The following PIEZO2 variants were observed in gnomAD, a reference collection of about 807,000 sequenced individuals.
The protein encoded by PIEZO2 is piezo-type mechanosensitive ion channel component 2.
Under a neutral mutation model 337.3 loss-of-function variants are expected in PIEZO2, and 172 were observed. The observed-to-expected ratio is 0.51, with a 90% confidence interval of 0.45 to 0.58. The LOEUF (loss-of-function observed/expected upper bound fraction) is 0.58, where lower values mean the gene tolerates loss of function less well. Ranked by LOEUF, PIEZO2 falls within the 20% of genes least tolerant of loss-of-function variation. PIEZO2 has a pLI of 0.00. For missense variants in PIEZO2, 3,028 were observed against 3,391.3 expected (o/e 0.89, Z 2.66); for synonymous variants, 1,251 against 1,228.5 (o/e 1.02, Z -0.38).
At chr18:10,917,306 T>C (rs1279839359) in intron 3 of PIEZO2, among the ~76,000 whole-genome samples, 2 of 152,172 alleles carry the variant, frequency 1.3e-5, no homozygotes, top group Admixed American at 6.5e-5. Flanking sequence ...TTTATTTCCT[T>C]AGACAAGTTA....
In PIEZO2 at chr18:10,854,402, G is replaced by A. The variant is rs1257618966; in HGVS notation, c.917+951C>T. ...TACTTTGTCATTGTGCAACCACCAC[G>A]ACCTTTATAGTAATTATTTCAGGTG... On this transcript the variant is annotated intron_variant, in intron 7 of 55. Transcript: ENST00000674853. The surrounding 1 kb of genome is among the most constrained non-coding windows in gnomAD (Gnocchi z 4.6). Among the ~76,000 whole-genome samples the A allele has an allele frequency of 1.3e-5, 2 of 151,988 alleles. No individual in the cohort carries two copies. The highest frequency in any genetic ancestry group is 2.9e-5 in the Non-Finnish European group (2 of 68,008).
At chr18:11,138,639 A>G (rs1342387408) in intron 1 of PIEZO2, among the ~76,000 whole-genome samples, 1 of 152,228 alleles carries the variant, frequency 6.6e-6, no homozygotes, top group Non-Finnish European at 1.5e-5. Context: ...TTGAGGAGTA[A>G]GTTCCGTGCT....
intron 27 of PIEZO2, among the ~76,000 whole-genome samples, chr18:10,756,907 T>G (rs1197299447): frequency 2.1e-5 from 2 of 93,760 alleles, no homozygotes; most frequent in Non-Finnish European, 2.0e-5. Flanking sequence ...AAAGGAGGAA[T>G]GGGGATACGG....
intron 14 of PIEZO2, among the ~76,000 whole-genome samples, chr18:10,790,888 T>C (rs1007678786): frequency 6.6e-6 from 1 of 152,034 alleles, no homozygotes; most frequent in Non-Finnish European, 1.5e-5. Context: ...GTATTTTTAG[T>C]AAAGGCGGGT....
chr18:10,846,590 T>C lies in PIEZO2; in HGVS notation c.917+8763A>G, dbSNP rs2041371813. Among the ~76,000 whole-genome samples, 1 of 152,190 alleles carries C rather than the reference T, an allele frequency of 6.6e-6. No individual in the cohort carries two copies. The highest frequency in any genetic ancestry group is 2.4e-5 in the African/African-American group (1 of 41,442). Reference sequence around the variant, plus strand: ...GTACCAAAGCCAAAAAAGCCCATCATGGCTCTGAAGAACTGGGTCCTAGTG... The same window carrying C: ...GTACCAAAGCCAAAAAAGCCCATCACGGCTCTGAAGAACTGGGTCCTAGTG... On this transcript the variant is annotated intron_variant, in intron 7 of 55. Coordinates refer to ENST00000674853, the MANE Select transcript of PIEZO2 (RefSeq NM_001378183.1). The surrounding 1 kb of genome is among the most constrained non-coding windows in gnomAD (Gnocchi z 4.1).
At chr18:10,898,737 C>A (rs1044349097) in intron 4 of PIEZO2, among the ~76,000 whole-genome samples, 2 of 151,996 alleles carry the variant, frequency 1.3e-5, no homozygotes, top group African/African-American at 4.8e-5. Context: ...TTAGCCTATG[C>A]CTGAGTAAGT....
chr18:10,818,723 T>C (rs1354401061), intron 7 of PIEZO2, among the ~76,000 whole-genome samples: 1 of 152,208 alleles, frequency 6.6e-6, no homozygotes, highest in Non-Finnish European at 1.5e-5. Context: ...ACATACAGTA[T>C]TGTATGTTCA....
rs369313982 is a variant in PIEZO2, at chr18:10,976,647, T to G, written c.286+2888A>C. Among the ~76,000 whole-genome samples, 13 of 152,310 alleles carry G rather than the reference T, an allele frequency of 8.5e-5. No homozygotes were observed. In the East Asian group the frequency reaches 2.1e-3, roughly 25 times the overall value. On this transcript the variant is annotated intron_variant, in intron 3 of 55. Transcript: ENST00000674853. The stretch of plus-strand genomic sequence containing the variant: ...ATAGCAAAAAAAAGGAAAGGGAAGA[T>G]GTTATGTTAGATGCTGACATGTTCA...
At chr18:10,869,912 G>C (rs1246911160) in intron 5 of PIEZO2, among the ~76,000 whole-genome samples, 3 of 148,082 alleles carry the variant, frequency 2.0e-5, no homozygotes, top group Non-Finnish European at 4.4e-5. Context: ...GTCTCGCTCT[G>C]TCACCCAGAC....
Position 10,861,174 on chromosome 18 carries a change from C to T in PIEZO2, c.493-3963G>A, listed in dbSNP as rs1455108636. 6.6e-6 allele frequency among the ~76,000 whole-genome samples: 1 copy of T among 152,218 alleles called. No individual in the cohort carries two copies. The highest frequency in any genetic ancestry group is 1.5e-5 in the Non-Finnish European group (1 of 68,046). ...GTTTACTAACAGGCAGTCTTGCTTG[C>T]TGGAGCTGTAAGCTGTCCCTGCAGC... On this transcript the variant is annotated intron_variant, in intron 5 of 55. Transcript: ENST00000674853. This position sits in a 1 kb window ranked among gnomAD's most constrained non-coding sequence, Gnocchi z 4.3.
At chr18:11,075,789 T>A (rs891898834) in intron 1 of PIEZO2, among the ~76,000 whole-genome samples, 4 of 47,258 alleles carry the variant, frequency 8.5e-5, no homozygotes, top group African/African-American at 1.8e-4. Flanking sequence ...TATATTTCTT[T>A]TTTTTTTTTT....
In PIEZO2 at chr18:11,075,381, A is replaced by G. The variant is rs573048021; in HGVS notation, c.65-9159T>C. On this transcript the variant is annotated intron_variant, in intron 1 of 55. Coordinates refer to ENST00000674853, the MANE Select transcript of PIEZO2 (RefSeq NM_001378183.1). The stretch of plus-strand genomic sequence containing the variant: ...CTGAGGAAGCAAACCTGTCAAAGAA[A>G]TGAGAGAAAGGAAAAAGGCTGTTAT... 2.0e-5 allele frequency among the ~76,000 whole-genome samples: 3 copies of G among 152,366 alleles called. No homozygotes were observed. In the South Asian group the frequency reaches 6.2e-4, roughly 32 times the overall value.
intron 49 of PIEZO2, among the ~76,000 whole-genome samples, chr18:10,688,123 G>A (rs938267564): frequency 6.6e-5 from 10 of 152,102 alleles, no homozygotes; most frequent in South Asian, 4.2e-4. Context: ...CCCCCCATGC[G>A]TTAGGTATTT....
chr18:10,848,404 A>G (rs1163970512), intron 7 of PIEZO2, among the ~76,000 whole-genome samples: 3 of 152,224 alleles, frequency 2.0e-5, no homozygotes, highest in Non-Finnish European at 4.4e-5. Context: ...TTCTTATTTT[A>G]CATTGTTTTA....
At chr18:10,798,034 G>A (rs974719138) in intron 11 of PIEZO2, among the ~76,000 whole-genome samples, 1 of 152,234 alleles carries the variant, frequency 6.6e-6, no homozygotes, top group Non-Finnish European at 1.5e-5. Flanking sequence ...CCAGGTGTGA[G>A]AACTGATGGC....
chr18:11,033,621 C>A lies in PIEZO2; in HGVS notation c.160+32506G>T, dbSNP rs1289372820. Among the ~76,000 whole-genome samples, 1 of 152,162 alleles carries A rather than the reference C, an allele frequency of 6.6e-6. No homozygotes were observed. Among genetic ancestry groups the A allele is most frequent in the Non-Finnish European group, 1.5e-5 (1 of 68,038 alleles). On this transcript the variant is annotated intron_variant, in intron 2 of 55. Coordinates refer to ENST00000674853, the MANE Select transcript of PIEZO2 (RefSeq NM_001378183.1). This position sits in a 1 kb window ranked among gnomAD's most constrained non-coding sequence, Gnocchi z 4.2. ...AAATACTGCATTTCACTGAAAAAAG[C>A]TAGTCTGAAAACATAAACCATATAA...
At chr18:10,976,049 T>C (rs1568258442) in intron 3 of PIEZO2, among the ~76,000 whole-genome samples, 1 of 152,206 alleles carries the variant, frequency 6.6e-6, no homozygotes, top group Non-Finnish European at 1.5e-5. Flanking sequence ...TAATCATAAC[T>C]CTAAATGCTT....
At chr18:10,686,337 C>T (rs943109158) in intron 49 of PIEZO2, among the ~76,000 whole-genome samples, 1 of 152,114 alleles carries the variant, frequency 6.6e-6, no homozygotes, top group African/African-American at 2.4e-5. Flanking sequence ...CTCTCTGGGT[C>T]TAAAAATGTG....
chr18:10,949,966 A>T (rs902983000), intron 3 of PIEZO2, among the ~76,000 whole-genome samples: 1 of 152,222 alleles, frequency 6.6e-6, no homozygotes, highest in African/African-American at 2.4e-5. Context: ...ACCAAAAAAC[A>T]CTGGGTGAAT....
Sources: gnomAD v4.1 joint callset for allele counts (sites outside exome capture counted in the v4.1 genomes callset) on GRCh38, gnomAD v4.1.1 for gene constraint, Gnocchi (gnomAD v3.1) non-coding constraint, MANE v1.5 for transcripts, NCBI Gene and HGNC (gene_info 2026-07-23, HGNC 2026-07-21) for gene names.